Variants in OSBPL6 observed in about 807,000 individuals in gnomAD.
The protein encoded by OSBPL6 is oxysterol-binding protein-related protein 6.
In OSBPL6, 49 loss-of-function variants were observed where a neutral mutation model predicts 125.8. The observed-to-expected ratio is 0.39, with a 90% CI of 0.31 to 0.49. The LOEUF (loss-of-function observed/expected upper bound fraction) is 0.49. OSBPL6 is among the 20% of genes least tolerant of loss of function. The probability of loss-of-function intolerance (pLI) is 0.88; values close to 1 mark genes in which losing one functional copy is unlikely to be tolerated. For missense variants in OSBPL6, 986 were observed against 1,135.4 expected (o/e 0.87, Z 1.89); for synonymous variants, 394 against 391.8 (o/e 1.01, Z -0.07).
intron 12 of OSBPL6, among the ~76,000 whole-genome samples, chr2:178,353,088 A>G (rs1691436742): frequency 6.6e-6 from 1 of 152,236 alleles, no homozygotes; most frequent in Admixed American, 6.5e-5. Flanking sequence ...CCCCATTTGT[A>G]GGTCACCAAC....
intron 1 of OSBPL6, among the ~76,000 whole-genome samples, chr2:178,279,826 T>C (rs754156496): frequency 6.6e-6 from 1 of 152,240 alleles, no homozygotes; most frequent in Non-Finnish European, 1.5e-5. Flanking sequence ...TTGAACTTTA[T>C]ACACTTATCA....
chr2:178,389,302 GAT>G lies in OSBPL6; in HGVS notation c.2301+151_2301+152del, dbSNP rs1451431935. ...TTTAGATAAGAAAGCAGAACAAACT[GAT>G]AGAGTTTCTCAAGGCATGCAAGTTT... On this transcript the variant is annotated intron_variant, in intron 21 of 24. Transcript: ENST00000190611. The G allele has an allele frequency of 1.5e-5, 12 of 801,868 alleles. No individual in the cohort carries two copies. In the African/African-American group the frequency reaches 2.1e-4, roughly 14 times the overall value. 49.7% of individuals were successfully genotyped at this position (801,868 alleles called of 1,614,324 possible). A position where few individuals can be genotyped will look rare whatever the true frequency, so the allele number is the denominator to read the frequency against.
intron 1 of OSBPL6, among the ~76,000 whole-genome samples, chr2:178,231,013 A>T (rs1377462370): frequency 6.6e-6 from 1 of 152,178 alleles, no homozygotes; most frequent in Non-Finnish European, 1.5e-5. Flanking sequence ...CACTGAGAAG[A>T]TTAACGACAG....
At chr2:178,289,798 T>G (rs1168969720) in intron 2 of OSBPL6, among the ~76,000 whole-genome samples, 1 of 152,064 alleles carries the variant, frequency 6.6e-6, no homozygotes, top group Non-Finnish European at 1.5e-5. Flanking sequence ...CATACTAGGT[T>G]TGGCTGATTG....
At chr2:178,241,852 C>T (rs1390054759) in intron 1 of OSBPL6, among the ~76,000 whole-genome samples, 1 of 152,142 alleles carries the variant, frequency 6.6e-6, no homozygotes, top group Non-Finnish European at 1.5e-5. Context: ...ACAGTGGTTC[C>T]ATATGATTAT....
At position 178,263,303 on chromosome 2, in the gene OSBPL6, A is replaced by G. The variant is rs551739309; in HGVS notation, c.-350-21624A>G. Among the ~76,000 whole-genome samples, 3 of 152,254 alleles carry G rather than the reference A, an allele frequency of 2.0e-5. No homozygotes were observed. The East Asian group carries it at 5.8e-4, about 29-fold the overall frequency. On this transcript the variant is annotated intron_variant, in intron 1 of 24. Coordinates refer to ENST00000190611, the MANE Select transcript of OSBPL6 (RefSeq NM_032523.4). ...AGACTAGCCTGACGGACATGGTGAA[A>G]CCCCATCTCTACTAAAAATACAAAA...
At chr2:178,295,567 T>A (rs1191001668) in intron 2 of OSBPL6, among the ~76,000 whole-genome samples, 1 of 152,106 alleles carries the variant, frequency 6.6e-6, no homozygotes, top group Non-Finnish European at 1.5e-5. Flanking sequence ...CCACCTACCC[T>A]CCATCCCCCA....
At chr2:178,247,556 C>T (rs971514364) in intron 1 of OSBPL6, among the ~76,000 whole-genome samples, 1 of 152,172 alleles carries the variant, frequency 6.6e-6, no homozygotes, top group African/African-American at 2.4e-5. Context: ...TCTTGCTTCT[C>T]TTTCACTGTG....
At chr2:178,275,058 A>G (rs2092443012) in intron 1 of OSBPL6, among the ~76,000 whole-genome samples, 1 of 152,242 alleles carries the variant, frequency 6.6e-6, no homozygotes, top group Non-Finnish European at 1.5e-5. Flanking sequence ...TTTAAGAAAG[A>G]TAACTCCGAT....
intron 1 of OSBPL6, among the ~76,000 whole-genome samples, chr2:178,206,562 C>G (rs1002103700): frequency 3.3e-5 from 5 of 152,124 alleles, no homozygotes; most frequent in Non-Finnish European, 5.9e-5. Flanking sequence ...TTACTAAAGG[C>G]TTTAGTAAGC....
At chr2:178,248,967 C>T (rs2091589995) in intron 1 of OSBPL6, among the ~76,000 whole-genome samples, 1 of 152,080 alleles carries the variant, frequency 6.6e-6, no homozygotes, top group Admixed American at 6.6e-5. Context: ...GACAGAGTCT[C>T]GCTCTGATGC....
chr2:178,354,531 G>T (rs532424663), intron 12 of OSBPL6, among the ~76,000 whole-genome samples: 1 of 152,306 alleles, frequency 6.6e-6, no homozygotes, highest in Admixed American at 6.5e-5. Flanking sequence ...TCAACAAAAA[G>T]AGCTAACTAT....
chr2:178,392,212 G>A (rs1328272522), intron 22 of OSBPL6, among the ~76,000 whole-genome samples, 200 bp from the exon 23 acceptor site: 1 of 152,162 alleles, frequency 6.6e-6, no homozygotes, highest in East Asian at 1.9e-4. Flanking sequence ...TTAAATATAT[G>A]AATCTGTCAA....
At chr2:178,287,236 G>A (rs1178597228) in intron 2 of OSBPL6, among the ~76,000 whole-genome samples, 1 of 150,854 alleles carries the variant, frequency 6.6e-6, no homozygotes, top group African/African-American at 2.4e-5. Flanking sequence ...AGTCCAACTG[G>A]TAATGCCTGT....
intron 1 of OSBPL6, among the ~76,000 whole-genome samples, chr2:178,239,634 T>TTATG (rs929084142): frequency 1.3e-5 from 2 of 149,850 alleles, no homozygotes; most frequent in Non-Finnish European, 3.0e-5. Context: ...ATTTATTTAT[T>TTATG]TATTTATTTG....
At chr2:178,248,433 C>T (rs1397147721) in intron 1 of OSBPL6, among the ~76,000 whole-genome samples, 5 of 151,902 alleles carry the variant, frequency 3.3e-5, no homozygotes, top group Non-Finnish European at 7.4e-5. Flanking sequence ...CAGTTTTTTT[C>T]CTGTGATTTT....
intron 12 of OSBPL6, among the ~76,000 whole-genome samples, chr2:178,354,032 A>G (rs757244428): frequency 2.6e-5 from 4 of 152,178 alleles, no homozygotes; most frequent in Non-Finnish European, 5.9e-5. Context: ...AGACAAGCAA[A>G]TGCTGGGAGA....
At chr2:178,301,364 A>G (rs1330974415) in intron 2 of OSBPL6, among the ~76,000 whole-genome samples, 2 of 152,186 alleles carry the variant, frequency 1.3e-5, no homozygotes, top group Non-Finnish European at 2.9e-5. Context: ...GTATTGTGGT[A>G]TATCTGTGTG....
chr2:178,200,170 T>C (rs1225956705), intron 1 of OSBPL6, among the ~76,000 whole-genome samples: 4 of 151,892 alleles, frequency 2.6e-5, no homozygotes, highest in African/African-American at 7.3e-5. Flanking sequence ...GCTTTTAAAA[T>C]GGGTCATTTG....
Sources: allele counts gnomAD v4.1 joint callset (sites outside exome capture counted in the v4.1 genomes callset), GRCh38; gene constraint gnomAD v4.1.1; transcripts MANE v1.5; gene names NCBI Gene and HGNC (gene_info 2026-07-23, HGNC 2026-07-21).